CFAP46: variants seen among roughly 807,000 people sequenced by gnomAD.
The protein encoded by CFAP46 is cilia and flagella associated protein 46, also known as cilia- and flagella-associated protein 46.
Under a neutral mutation model 325.7 loss-of-function variants are expected in CFAP46, and 245 were observed. The ratio of observed to expected loss-of-function variants is 0.75; its 90% CI spans 0.68 to 0.84. The LOEUF (loss-of-function observed/expected upper bound fraction) is 0.84, where lower values mean the gene tolerates loss of function less well. Among genes scored for constraint, CFAP46 ranks in the 40% least tolerant of loss-of-function variants. CFAP46 has a pLI of 0.00. For synonymous variants in CFAP46, 1,523 were observed against 1,495.9 expected (o/e 1.02, Z -0.42); for missense variants, 3,346 against 3,543.0 (o/e 0.94, Z 1.41).
chr10:132,864,435 G>C lies in CFAP46; in HGVS notation c.4890+1590C>G, dbSNP rs1405309348. Among the ~76,000 whole-genome samples, 77 of 75,074 alleles carry C rather than the reference G, an allele frequency of 1.0e-3. 1 individual carries two copies. Among genetic ancestry groups the C allele is most frequent in the Non-Finnish European group, 1.7e-3 (65 of 38,680 alleles). 49.3% of individuals were successfully genotyped at this position (75,074 alleles called of 152,430 possible). A position where few individuals can be genotyped will look rare whatever the true frequency, so the allele number is the denominator to read the frequency against. On this transcript the variant is annotated intron_variant, in intron 35 of 57. Transcript: ENST00000368586. ...TGAGACATGCACACACCTGTCCCCA[G>C]TGCCTGAGACCTGCACACACCTGTC...
chr10:132,936,270 A>T (rs1850003490), intron 7 of CFAP46, among the ~76,000 whole-genome samples: 1 of 89,450 alleles, frequency 1.1e-5, no homozygotes. Context: ...ACATCCAAAC[A>T]CACTGTGATC....
intron 50 of CFAP46, among the ~76,000 whole-genome samples, chr10:132,815,514 G>A (rs1847677700): frequency 6.6e-6 from 1 of 152,206 alleles, no homozygotes; most frequent in African/African-American, 2.4e-5. Context: ...ATCAGGATGG[G>A]GCATTGCGTT....
chr10:132,891,631 G>T (rs1303031789), intron 25 of CFAP46, among the ~76,000 whole-genome samples: 1 of 152,200 alleles, frequency 6.6e-6, no homozygotes, highest in Non-Finnish European at 1.5e-5. Flanking sequence ...CCTCTCCAGG[G>T]CTTTTCCCTG....
At position 132,817,775 on chromosome 10, in the gene CFAP46, C is replaced by T. The variant is rs1439841251; in HGVS notation, c.7118-2861G>A. Among the ~76,000 whole-genome samples, 1 of 152,360 alleles carries T rather than the reference C, an allele frequency of 6.6e-6. No individual in the cohort carries two copies. The highest frequency in any genetic ancestry group is 1.5e-5 in the Non-Finnish European group (1 of 68,038). On this transcript the variant is annotated intron_variant, in intron 50 of 57. Coordinates refer to ENST00000368586, the MANE Select transcript of CFAP46 (RefSeq NM_001200049.3). This position sits in a 1 kb window ranked among gnomAD's most constrained non-coding sequence, Gnocchi z 4.4. ...GTTAGTTTGTGTGGCTGCTGTTAACCAATTACTACAAAACGCAGGCTTGAT... is the reference window on the plus strand; with the variant it reads ...GTTAGTTTGTGTGGCTGCTGTTAACTAATTACTACAAAACGCAGGCTTGAT...
At chr10:132,823,310 TGA>T (rs1847932056) in intron 50 of CFAP46, among the ~76,000 whole-genome samples, 1 of 104,038 alleles carries the variant, frequency 9.6e-6, no homozygotes, top group African/African-American at 4.0e-5. Context: ...GTGTGCTGTG[TGA>T]GTGCTGATGT....
At chr10:132,818,494 A>G (rs939779364) in intron 50 of CFAP46, among the ~76,000 whole-genome samples, 1 of 152,132 alleles carries the variant, frequency 6.6e-6, no homozygotes, top group African/African-American at 2.4e-5. Context: ...GAAACAAGGC[A>G]AGGAAGCCCA....
intron 50 of CFAP46, among the ~76,000 whole-genome samples, chr10:132,815,220 A>C (rs1322151633): frequency 6.6e-6 from 1 of 152,144 alleles, no homozygotes. Flanking sequence ...CGGGCCCCTC[A>C]CTGGTTCCAG....
At chr10:132,859,490 A>G (rs896151566) in intron 37 of CFAP46, among the ~76,000 whole-genome samples, 11 of 151,608 alleles carry the variant, frequency 7.3e-5, no homozygotes, top group African/African-American at 2.7e-4. Context: ...ACCCTCTCCT[A>G]CTTGACTCAC....
At chr10:132,924,278 G>A (rs1427510289) in intron 11 of CFAP46, among the ~76,000 whole-genome samples, 1 of 151,728 alleles carries the variant, frequency 6.6e-6, no homozygotes, top group Admixed American at 6.6e-5. Context: ...GCCGCCTGCT[G>A]CCACGCTGGC....
rs1848832291 is a variant in CFAP46 at position 132,867,429 on chromosome 10, C to T, written c.4689G>A (p.Glu1563=). 4 of 1,550,604 alleles carry T rather than the reference C, an allele frequency of 2.6e-6. No individual in the cohort carries two copies. Among genetic ancestry groups the T allele is most frequent in the East Asian group, 2.4e-5 (1 of 40,926 alleles). ...CCCCAGGCTGGACAGGAAGTGTCTG[C>T]TCATTCAGTGCTGGCAGGCTTTCTT... ...LLEESLPALN[E]QTLPVQPGEI... is the part of the protein sequence containing the mutation. The change falls in exon 34 of 58, where the codon GAG becomes GAA. Residue 1563 remains glutamate, a synonymous_variant. Transcript: ENST00000368586.
chr10:132,830,695 T>C (rs1312361750), intron 50 of CFAP46, among the ~76,000 whole-genome samples: 2 of 152,212 alleles, frequency 1.3e-5, no homozygotes, highest in African/African-American at 2.4e-5. Flanking sequence ...CTCTCTTTTT[T>C]CCTGATCAGC....
chr10:132,932,554 C>A (rs1297590954), intron 8 of CFAP46, among the ~76,000 whole-genome samples: 1 of 151,174 alleles, frequency 6.6e-6, no homozygotes, highest in East Asian at 2.0e-4. Context: ...GCTCCCCATA[C>A]AGAGCCTGGG....
chr10:132,908,229 A>AGT, intron 22 of CFAP46: 1 of 533,968 alleles, frequency 1.9e-6, no homozygotes, highest in African/African-American at 1.9e-5. Flanking sequence ...GACCTGGTGG[A>AGT]GTGCTCACCT....
At chr10:132,905,200 G>A (rs1849439871) in intron 22 of CFAP46, among the ~76,000 whole-genome samples, 2 of 152,152 alleles carry the variant, frequency 1.3e-5, no homozygotes, top group Admixed American at 1.3e-4. Context: ...TGGAATATCA[G>A]TGAACACCAT....
rs1014526308 is a variant in CFAP46, at chr10:132,810,062, C to T, written c.7664+347G>A. ...AGGCACAGCTGCCACCTGGATTTCC[C>T]ACTGGTTCCCAGACAGCCCCTGGGC... On this transcript the variant is annotated intron_variant, in intron 57 of 57. Transcript: ENST00000368586. Among the ~76,000 whole-genome samples the T allele has an allele frequency of 3.0e-4, 46 of 152,232 alleles. 1 individual carries two copies. The highest frequency in any genetic ancestry group is 1.2e-4 in the Non-Finnish European group (8 of 68,036).
Position 132,869,213 on chromosome 10 carries a change from A to T in CFAP46, c.4610+61T>A. On this transcript the variant is annotated intron_variant, in intron 33 of 57. Coordinates refer to ENST00000368586, the MANE Select transcript of CFAP46 (RefSeq NM_001200049.3). The surrounding 1 kb of genome is among the most constrained non-coding windows in gnomAD (Gnocchi z 6.2). The stretch of plus-strand genomic sequence containing the variant: ...GAGGGTGGCCGCGCAGCTGGCTTTC[A>T]CCTGGCCGCACCAAGGGCGAGACTC... 9 of 1,375,326 alleles carry T rather than the reference A, an allele frequency of 6.5e-6. No homozygotes were observed. The highest frequency in any genetic ancestry group is 8.8e-6 in the Non-Finnish European group (9 of 1,024,148). The allele number at this position is 1,375,326 out of a possible 1,614,324, so 85.2% of individuals were successfully genotyped here.
chr10:132,881,965 G>A (rs73393243), intron 27 of CFAP46, among the ~76,000 whole-genome samples: 14,482 of 152,044 alleles, frequency 0.095, 1,852 homozygotes, highest in African/African-American at 0.29. Flanking sequence ...TGTGGGATGT[G>A]GGGTGTGTGT....
At position 132,812,847 on chromosome 10, in the gene CFAP46, TAGA is replaced by T. The variant is rs759818859; in HGVS notation, c.7436_7438del (p.Phe2479del). On this transcript the variant is annotated inframe_deletion, in exon 55 of 58. Coordinates refer to ENST00000368586, the MANE Select transcript of CFAP46 (RefSeq NM_001200049.3). ...ATGGGACAGGAAGCTCTCCATTCCATAGAAGAAGAAACCGCTGCAGCTGCCCAG... is the reference window on the plus strand; with the variant it reads ...ATGGGACAGGAAGCTCTCCATTCCATAGAAGAAACCGCTGCAGCTGCCCAG... 5 of 1,611,828 alleles carry T rather than the reference TAGA, an allele frequency of 3.1e-6. No homozygotes were observed. The highest frequency in any genetic ancestry group is 1.7e-5 in the Admixed American group (1 of 60,004).
chr10:132,825,229 CTGTG>C (rs1208343347), intron 50 of CFAP46, among the ~76,000 whole-genome samples: 2 of 127,674 alleles, frequency 1.6e-5, no homozygotes, highest in Non-Finnish European at 3.2e-5. Context: ...CTGATGTGTG[CTGTG>C]TGTGTGCCCT....
Sources: gnomAD v4.1 joint callset for allele counts (sites outside exome capture counted in the v4.1 genomes callset) on GRCh38, gnomAD v4.1.1 for gene constraint, Gnocchi (gnomAD v3.1) non-coding constraint, MANE v1.5 for transcripts, NCBI Gene and HGNC (gene_info 2026-07-23, HGNC 2026-07-21) for gene names.